Variants in ARPP21 observed in about 807,000 individuals in gnomAD.
ARPP21 encodes the protein cAMP-regulated phosphoprotein 21.
In ARPP21, 69 loss-of-function variants were observed where a neutral mutation model predicts 113.2. The observed-to-expected ratio is 0.61, with a 90% CI of 0.50 to 0.74. ARPP21 has a LOEUF of 0.74. ARPP21 is among the 30% of genes least tolerant of loss of function. The pLI is 0.00. For missense variants in ARPP21, 1,070 were observed against 1,037.4 expected (o/e 1.03, Z -0.43); for synonymous variants, 368 against 375.5 (o/e 0.98, Z 0.23).
chr3:35,689,619 T>C (rs1443341824), intron 7 of ARPP21, among the ~76,000 whole-genome samples: 1 of 151,594 alleles, frequency 6.6e-6, no homozygotes, highest in East Asian at 1.9e-4. Context: ...ACAGTTCTGC[T>C]TTTCAGATCA....
At chr3:35,716,813 A>G (rs2092467345) in intron 12 of ARPP21, among the ~76,000 whole-genome samples, 1 of 152,004 alleles carries the variant, frequency 6.6e-6, no homozygotes, top group South Asian at 2.1e-4. Context: ...CATTACAATA[A>G]TTGGTCACAT....
rs1228601723 is a variant in ARPP21 at position 35,762,124 on chromosome 3, T to TCACA, written c.2137+18160_2137+18161insACAC. Among the ~76,000 whole-genome samples, 170 of 141,246 alleles carry TCACA rather than the reference T, an allele frequency of 1.2e-3. 1 individual carries two copies. Among genetic ancestry groups the TCACA allele is most frequent in the South Asian group, 1.8e-3 (8 of 4,444 alleles). The allele number at this position is 141,246 out of a possible 152,430, so 92.7% of individuals were successfully genotyped here. ...CTCTCTCTCTCTCTCTCTCTCTCTCTCTCACACACACACACACACACACAC... is the reference window on the plus strand; with the variant it reads ...CTCTCTCTCTCTCTCTCTCTCTCTCTCACACTCACACACACACACACACACACAC... On this transcript the variant is annotated intron_variant, in intron 19 of 20. Transcript: ENST00000684406.
At chr3:35,712,691 A>G (rs961295449) in intron 11 of ARPP21, among the ~76,000 whole-genome samples, 1 of 152,124 alleles carries the variant, frequency 6.6e-6, no homozygotes, top group Non-Finnish European at 1.5e-5. Context: ...TGAGATTTTG[A>G]GATAAGACAA....
chr3:35,705,745 C>G (rs550827052), intron 9 of ARPP21, among the ~76,000 whole-genome samples: 3 of 151,876 alleles, frequency 2.0e-5, no homozygotes, highest in Admixed American at 6.6e-5. Context: ...TTGTAAGGAT[C>G]GAATAAGATA....
Position 35,763,483 on chromosome 3 carries a change from G to T in ARPP21, c.2137+19518G>T, listed in dbSNP as rs117403076. Reference sequence around the variant, plus strand: ...TTGATGTGCCTCACCAAGGTGTGGAGTTGAGTACTGGCTGACCCTCTGCCA... The same window carrying T: ...TTGATGTGCCTCACCAAGGTGTGGATTTGAGTACTGGCTGACCCTCTGCCA... On this transcript the variant is annotated intron_variant, in intron 19 of 20. Coordinates refer to ENST00000684406, the MANE Select transcript of ARPP21 (RefSeq NM_001385562.1). Among the ~76,000 whole-genome samples the T allele has an allele frequency of 3.7e-4, 57 of 152,250 alleles. No individual in the cohort carries two copies. The East Asian group carries it at 0.01, about 27-fold the overall frequency.
At chr3:35,786,341 G>C (rs2096632188) in intron 19 of ARPP21, among the ~76,000 whole-genome samples, 1 of 152,054 alleles carries the variant, frequency 6.6e-6, no homozygotes, top group Non-Finnish European at 1.5e-5. Context: ...GGCCAACATG[G>C]TGAAACTCCA....
At chr3:35,792,653 A>G in intron 20 of ARPP21, 123 bp downstream of exon 20, 2 of 777,706 alleles carry the variant, frequency 2.6e-6, no homozygotes, top group Non-Finnish European at 4.3e-6. Flanking sequence ...ATAACTGTTG[A>G]TAATTTACTT....
At position 35,664,948 on chromosome 3, in the gene ARPP21, T is replaced by A. The variant is rs546773637; in HGVS notation, c.-212-14839T>A. Among the ~76,000 whole-genome samples the A allele has an allele frequency of 5.9e-5, 9 of 152,250 alleles. No homozygotes were observed. The South Asian group carries it at 1.7e-3, about 28-fold the overall frequency. ...GAGTGACTTAGCCCACCTGCTATTT[T>A]GTGTGTGTGTAACCTAATTCAAGTG... On this transcript the variant is annotated intron_variant, in intron 1 of 20. Transcript: ENST00000684406.
intron 19 of ARPP21, among the ~76,000 whole-genome samples, chr3:35,746,788 C>T (rs2150957922): frequency 6.6e-6 from 1 of 152,302 alleles, no homozygotes; most frequent in Middle Eastern, 3.4e-3. Context: ...AGCCTCTCTT[C>T]CTTCTCCTAC....
chr3:35,655,374 C>A (rs1483548172), intron 1 of ARPP21, among the ~76,000 whole-genome samples: 1 of 151,746 alleles, frequency 6.6e-6, no homozygotes, highest in African/African-American at 2.4e-5. Context: ...TCTGAATTCA[C>A]TTTTTTCATT....
chr3:35,671,885 AC>A (rs2076423269), intron 1 of ARPP21, among the ~76,000 whole-genome samples: 1 of 152,044 alleles, frequency 6.6e-6, no homozygotes. Flanking sequence ...TGATGCCATC[AC>A]TTTCTCAGAA....
chr3:35,684,482 G>A (rs1268013537), intron 5 of ARPP21: 5 of 984,470 alleles, frequency 5.1e-6, no homozygotes, highest in Admixed American at 6.2e-5. Context: ...GACAAAATGG[G>A]AAACTTCACA....
At chr3:35,759,664 CA>C (rs2095691018) in intron 19 of ARPP21, among the ~76,000 whole-genome samples, 1 of 132,410 alleles carries the variant, frequency 7.6e-6, no homozygotes. Flanking sequence ...TTTTTCCTTT[CA>C]TTTTCTCTCT....
chr3:35,760,636 G>A (rs759012494), intron 19 of ARPP21, among the ~76,000 whole-genome samples: 1 of 152,042 alleles, frequency 6.6e-6, no homozygotes, highest in Non-Finnish European at 1.5e-5. Context: ...TATGTGCATG[G>A]AAGAATTTGG....
chr3:35,787,146 C>A (rs192439533), intron 19 of ARPP21, among the ~76,000 whole-genome samples: 4 of 152,234 alleles, frequency 2.6e-5, no homozygotes, highest in Non-Finnish European at 4.4e-5. Flanking sequence ...TTTATTTCTC[C>A]AGGCCTTCAT....
intron 5 of ARPP21, chr3:35,684,264 T>A: frequency 8.3e-7 from 1 of 1,207,584 alleles, no homozygotes; most frequent in Non-Finnish European, 1.0e-6. Context: ...AAATAGTGAA[T>A]AAGGTGCATT....
chr3:35,789,599 C>T (rs1456011585), intron 19 of ARPP21, among the ~76,000 whole-genome samples: 22 of 152,134 alleles, frequency 1.4e-4, no homozygotes, highest in South Asian at 2.1e-4. Flanking sequence ...GTGTAAAGCT[C>T]GTAGCCCATT....
chr3:35,793,677 G>T, intron 20 of ARPP21, 24 bp from the exon 21 acceptor site: 2 of 1,595,152 alleles, frequency 1.3e-6, no homozygotes, highest in East Asian at 2.2e-5. Flanking sequence ...TTCATACAGG[G>T]TTCTTGCTTG....
At chr3:35,704,925 C>A (rs1299334995) in intron 9 of ARPP21, among the ~76,000 whole-genome samples, 1 of 151,958 alleles carries the variant, frequency 6.6e-6, no homozygotes, top group South Asian at 2.1e-4. Context: ...GCTTTTCAAC[C>A]TAAATAAGTC....
Sources: allele counts gnomAD v4.1 joint callset (sites outside exome capture counted in the v4.1 genomes callset), GRCh38; gene constraint gnomAD v4.1.1; transcripts MANE v1.5; gene names NCBI Gene and HGNC (gene_info 2026-07-23, HGNC 2026-07-21).